Variants in ZNF609 observed in about 807,000 individuals in gnomAD.
The protein encoded by ZNF609 is zinc finger protein 609.
In ZNF609, 11 loss-of-function variants were observed where a neutral mutation model predicts 109.5. That is an observed-to-expected ratio of 0.10 (90% CI 0.06 to 0.17). The LOEUF is 0.17. Ranked by LOEUF, ZNF609 falls within the 10% of genes least tolerant of loss-of-function variation. ZNF609 has a pLI of 1.00. For synonymous variants in ZNF609, 646 were observed against 662.0 expected (o/e 0.98, Z 0.37); for missense variants, 1,559 against 1,772.4 (o/e 0.88, Z 2.16).
chr15:64,463,797 C>A (rs1257946148), intron 1 of ZNF609, among the ~76,000 whole-genome samples: 2 of 152,190 alleles, frequency 1.3e-5, no homozygotes, highest in Non-Finnish European at 2.9e-5. Context: ...AGACTATTTC[C>A]AACTCTGTGT....
chr15:64,473,595 C>T (rs1358333061), intron 1 of ZNF609, among the ~76,000 whole-genome samples: 2 of 151,538 alleles, frequency 1.3e-5, no homozygotes, highest in Non-Finnish European at 2.9e-5. Context: ...GACATTTAGC[C>T]TCACTAGTTA....
intron 3 of ZNF609, among the ~76,000 whole-genome samples, chr15:64,662,457 T>C (rs932195224): frequency 1.1e-4 from 16 of 152,080 alleles, no homozygotes; most frequent in Admixed American, 1.0e-3. Context: ...TCCATAGTAG[T>C]TGGCACTACA....
At chr15:64,471,937 G>T (rs975432064) in intron 1 of ZNF609, among the ~76,000 whole-genome samples, 2 of 151,232 alleles carry the variant, frequency 1.3e-5, no homozygotes, top group Non-Finnish European at 2.9e-5. Context: ...TTGAGATGGA[G>T]TCTTGCTCTG....
chr15:64,464,250 C>G (rs1892980977), intron 1 of ZNF609, among the ~76,000 whole-genome samples: 1 of 152,124 alleles, frequency 6.6e-6, no homozygotes, highest in Non-Finnish European at 1.5e-5. Flanking sequence ...GGAAGTGCCA[C>G]TCCTTATTTA....
intron 3 of ZNF609, among the ~76,000 whole-genome samples, chr15:64,667,154 A>C (rs370172521): frequency 6.6e-6 from 1 of 152,028 alleles, no homozygotes; most frequent in Non-Finnish European, 1.5e-5. Context: ...AAACAAAAAA[A>C]CCCTGAGATT....
At chr15:64,661,969 C>T (rs1176865421) in intron 3 of ZNF609, among the ~76,000 whole-genome samples, 1 of 152,106 alleles carries the variant, frequency 6.6e-6, no homozygotes, top group African/African-American at 2.4e-5. Flanking sequence ...CACAGAGTTT[C>T]TGTGGCTCAG....
chr15:64,622,834 C>A lies in ZNF609; in HGVS notation c.755C>A (p.Ser252Tyr). Residue 252 changes from serine to tyrosine, a missense_variant, in exon 3 of 10, where the codon TCC becomes TAC. Ser to Tyr is a moderately radical substitution (Grantham distance 144). Transcript: ENST00000326648. ...TTTTTCTTCCCTCCACAGATGGAGT[C>A]CCCTGTTTCCACACCAGCAGTGCTG... ...LKKVKSEKME[S>Y]PVSTPAVLPI... The A allele has an allele frequency of 6.2e-7, 1 of 1,614,150 alleles. No individual in the cohort carries two copies. Among genetic ancestry groups the A allele is most frequent in the Non-Finnish European group, 8.5e-7 (1 of 1,179,944 alleles).
At chr15:64,537,236 A>C (rs1249783968) in intron 2 of ZNF609, among the ~76,000 whole-genome samples, 1 of 134,976 alleles carries the variant, frequency 7.4e-6, no homozygotes, top group Non-Finnish European at 1.6e-5. Context: ...GGTGGTTCAC[A>C]CCTGTAATCC....
chr15:64,588,669 G>T (rs1595729727), intron 2 of ZNF609, among the ~76,000 whole-genome samples: 2 of 141,242 alleles, frequency 1.4e-5, no homozygotes, highest in African/African-American at 2.6e-5. Flanking sequence ...TTTTTTTTGA[G>T]ATGGAGTTTC....
intron 2 of ZNF609, among the ~76,000 whole-genome samples, chr15:64,605,246 T>C (rs1480406135): frequency 6.6e-6 from 1 of 152,230 alleles, no homozygotes; most frequent in Non-Finnish European, 1.5e-5. Context: ...AAAGAAACAG[T>C]ATAACCTGTA....
chr15:64,644,175 CAA>C (rs561256000), intron 3 of ZNF609, among the ~76,000 whole-genome samples: 96 of 152,100 alleles, frequency 6.3e-4, no homozygotes, highest in African/African-American at 2.2e-3. Context: ...TTGTCCAAGA[CAA>C]ATTTTTTTTA....
intron 2 of ZNF609, among the ~76,000 whole-genome samples, chr15:64,607,886 C>T (rs1281297839): frequency 9.2e-4 from 9 of 9,780 alleles, no homozygotes; most frequent in Non-Finnish European, 1.4e-3. Flanking sequence ...TTTCTTCTTT[C>T]TTTTCTTTCT....
At chr15:64,679,498 C>T (rs1896851702) in intron 6 of ZNF609, among the ~76,000 whole-genome samples, 1 of 152,220 alleles carries the variant, frequency 6.6e-6, no homozygotes. Context: ...TTAGAGCCTC[C>T]AGCTTCCTAC....
Position 64,675,113 on chromosome 15 carries a change from A to C in ZNF609, c.2259A>C (p.Ala753=), listed in dbSNP as rs1896789979. Residue 753 remains alanine (A), a synonymous_variant, in exon 5 of 10, where the codon GCA becomes GCC. Transcript: ENST00000326648. ...TGACCCCTGGGAAGGTGTGTCGAGCAGAGGAAGGCAAAAGCCCATTCAGGG... is the reference window on the plus strand; with the variant it reads ...TGACCCCTGGGAAGGTGTGTCGAGCCGAGGAAGGCAAAAGCCCATTCAGGG... ...SPLTPGKVCR[A]EEGKSPFRES... is the part of the protein sequence containing the mutation. 1.2e-6 allele frequency: 2 copies of C among 1,614,058 alleles called. No homozygotes were observed. The highest frequency in any genetic ancestry group is 1.7e-6 in the Non-Finnish European group (2 of 1,180,052).
At chr15:64,475,334 C>T (rs1196212217) in intron 1 of ZNF609, among the ~76,000 whole-genome samples, 1 of 151,590 alleles carries the variant, frequency 6.6e-6, no homozygotes, top group Non-Finnish European at 1.5e-5. Context: ...ATTTCATCCT[C>T]CTCTTTATCT....
chr15:64,664,681 CCTCA>C (rs1896623681), intron 3 of ZNF609, among the ~76,000 whole-genome samples: 1 of 152,170 alleles, frequency 6.6e-6, no homozygotes, highest in African/African-American at 2.4e-5. Context: ...GACTATTAAA[CCTCA>C]TCAATGTGTG....
intron 1 of ZNF609, among the ~76,000 whole-genome samples, chr15:64,461,341 C>T (rs1465076634): frequency 6.6e-6 from 1 of 151,880 alleles, no homozygotes; most frequent in Non-Finnish European, 1.5e-5. Context: ...TGGGTGTGTG[C>T]CCCTAACAGT....
rs775256201 is a variant in ZNF609 at position 64,499,806 on chromosome 15, C to T, written c.387C>T (p.Ala129=). 1.2e-6 allele frequency: 2 copies of T among 1,613,868 alleles called. No individual in the cohort carries two copies. Among genetic ancestry groups the T allele is most frequent in the African/African-American group, 2.7e-5 (2 of 74,868 alleles). The change falls in exon 2 of 10, where the codon GCC becomes GCT. Residue 129 remains alanine (A), a synonymous_variant. Transcript: ENST00000326648. ...KEVQGRSGDG[A]NAGGLVAAIA... is the part of the protein sequence containing the mutation. ...TGCAGGGGCGCTCAGGAGATGGTGC[C>T]AATGCTGGAGGCCTGGTTGCTGCTA...
At chr15:64,637,656 T>C (rs772331421) in intron 3 of ZNF609, among the ~76,000 whole-genome samples, 5 of 152,174 alleles carry the variant, frequency 3.3e-5, no homozygotes, top group Non-Finnish European at 7.3e-5. Context: ...CATCTTTTCA[T>C]GTGTTCATTG....
Sources: allele counts gnomAD v4.1 joint callset (sites outside exome capture counted in the v4.1 genomes callset), GRCh38; gene constraint gnomAD v4.1.1; transcripts MANE v1.5; gene names NCBI Gene and HGNC (gene_info 2026-07-23, HGNC 2026-07-21).